Variants in RANBP17 observed in about 807,000 individuals in gnomAD.
RANBP17 encodes the protein ran-binding protein 17.
RANBP17 carries 158 observed loss-of-function variants against 141.2 expected under a neutral mutation model. The observed-to-expected ratio is 1.12, with a 90% CI of 0.98 to 1.28. RANBP17 has a LOEUF of 1.28. Ranked by LOEUF, RANBP17 falls within the 50% of genes most tolerant of loss-of-function variation. The probability of loss-of-function intolerance (pLI) is 0.00; values close to 1 mark genes in which losing one functional copy is unlikely to be tolerated. For synonymous variants in RANBP17, 430 were observed against 450.0 expected, an observed-to-expected ratio of 0.96 and a Z score of 0.56; for missense variants, 1,438 against 1,290.7, an observed-to-expected ratio of 1.11 and a Z score of -1.75.
intron 2 of RANBP17, among the ~76,000 whole-genome samples, chr5:170,878,753 G>A (rs77932003): frequency 0.03 from 4,541 of 152,196 alleles, 224 homozygotes; most frequent in African/African-American, 0.1. Context: ...TAAAGTAGCA[G>A]TTTGTTTAGT....
intron 22 of RANBP17, among the ~76,000 whole-genome samples, chr5:171,236,290 G>A (rs1465872943): frequency 6.6e-6 from 1 of 152,204 alleles, no homozygotes; most frequent in Non-Finnish European, 1.5e-5. Context: ...GTAAATCAAT[G>A]TGATTGATTG....
At chr5:170,981,372 G>T (rs1275856648) in intron 14 of RANBP17, among the ~76,000 whole-genome samples, 1 of 152,088 alleles carries the variant, frequency 6.6e-6, no homozygotes, top group Non-Finnish European at 1.5e-5. Flanking sequence ...TGGAATGATA[G>T]GGTTTGGCTG....
At chr5:171,056,873 C>T (rs1783419217) in intron 14 of RANBP17, among the ~76,000 whole-genome samples, 1 of 152,092 alleles carries the variant, frequency 6.6e-6, no homozygotes. Context: ...GACAGCTTTC[C>T]AACCAATCGG....
chr5:170,955,654 A>ATG (rs1561928103), intron 13 of RANBP17, among the ~76,000 whole-genome samples: 1 of 37,414 alleles, frequency 2.7e-5, no homozygotes, highest in East Asian at 1.6e-3. Context: ...CAGTGTATAT[A>ATG]TATATATATA....
chr5:171,052,984 C>A (rs916396584), intron 14 of RANBP17, among the ~76,000 whole-genome samples: 1 of 151,906 alleles, frequency 6.6e-6, no homozygotes, highest in Non-Finnish European at 1.5e-5. Flanking sequence ...TCCCAAGTAG[C>A]TACTTTCATA....
chr5:171,062,141 A>G (rs1239087482), intron 14 of RANBP17, among the ~76,000 whole-genome samples: 1 of 151,300 alleles, frequency 6.6e-6, no homozygotes, highest in Non-Finnish European at 1.5e-5. Context: ...TTTTAATTGG[A>G]GCATTTAGTC....
At chr5:171,146,423 TTTC>T (rs1758032558) in intron 14 of RANBP17, among the ~76,000 whole-genome samples, 1 of 152,204 alleles carries the variant, frequency 6.6e-6, no homozygotes, top group South Asian at 2.1e-4. Context: ...TAAATGCACT[TTTC>T]TTCATTTCAC....
chr5:170,959,865 C>T (rs1001059084), intron 13 of RANBP17, among the ~76,000 whole-genome samples: 1 of 152,068 alleles, frequency 6.6e-6, no homozygotes, highest in African/African-American at 2.4e-5. Flanking sequence ...GCTGAGAAGG[C>T]GAAGTTGGTC....
chr5:171,145,552 C>G (rs982169293), intron 14 of RANBP17, among the ~76,000 whole-genome samples: 1 of 152,076 alleles, frequency 6.6e-6, no homozygotes, highest in East Asian at 1.9e-4. Flanking sequence ...TTATCAACAG[C>G]TGTTTTGGAG....
At chr5:171,007,202 A>G (rs1779700088) in intron 14 of RANBP17, among the ~76,000 whole-genome samples, 1 of 152,172 alleles carries the variant, frequency 6.6e-6, no homozygotes, top group South Asian at 2.1e-4. Context: ...GTCTGATGAG[A>G]AAGAGCCTAA....
intron 5 of RANBP17, chr5:170,897,211 A>G: frequency 1.5e-6 from 1 of 682,114 alleles, no homozygotes; most frequent in South Asian, 1.4e-5. Context: ...TGGATCACAA[A>G]GTTTTTGGCA....
At chr5:171,297,358 G>A (rs1359656156) in intron 27 of RANBP17, among the ~76,000 whole-genome samples, 3 of 152,104 alleles carry the variant, frequency 2.0e-5, no homozygotes, top group Admixed American at 2.0e-4. Flanking sequence ...AGACAGTAAT[G>A]AATGATGGAG....
At chr5:171,152,763 C>T (rs1167000337) in intron 14 of RANBP17, among the ~76,000 whole-genome samples, 3 of 152,178 alleles carry the variant, frequency 2.0e-5, no homozygotes, top group East Asian at 1.9e-4. Context: ...TGGCAATGCT[C>T]GCACTCATTT....
At chr5:170,896,896 C>T in intron 5 of RANBP17, 1 of 597,088 alleles carries the variant, frequency 1.7e-6, no homozygotes, top group Middle Eastern at 4.8e-4. Flanking sequence ...GCCGGCGCGG[C>T]TCACAAGCGC....
At chr5:170,960,353 T>C (rs994637605) in intron 13 of RANBP17, among the ~76,000 whole-genome samples, 1 of 152,218 alleles carries the variant, frequency 6.6e-6, no homozygotes, top group African/African-American at 2.4e-5. Flanking sequence ...TCTAAACACC[T>C]ATTGGGCTGT....
At chr5:170,896,395 A>G (rs563196937) in intron 5 of RANBP17, among the ~76,000 whole-genome samples, 1 of 152,370 alleles carries the variant, frequency 6.6e-6, no homozygotes, top group South Asian at 2.1e-4. Context: ...TTGTTCTTTT[A>G]CCTCATATAT....
chr5:170,862,610 A>T (rs1012992614), intron 1 of RANBP17, among the ~76,000 whole-genome samples: 1 of 151,630 alleles, frequency 6.6e-6, no homozygotes, highest in African/African-American at 2.4e-5. Flanking sequence ...GTCTGGGGGG[A>T]GTTGCGAGGG....
In RANBP17 at chr5:171,294,000, A is replaced by T. The variant is rs535828794; in HGVS notation, c.3042+19A>T. On this transcript the variant is annotated intron_variant, in intron 26 of 27. Coordinates refer to ENST00000523189, the MANE Select transcript of RANBP17 (RefSeq NM_022897.5). Reference sequence around the variant, plus strand: ...TGAGAAGGTGAGTGTGATTGCAGGAAGTCACGGGAGGTGGTCCCTGGGAGA... The same window carrying T: ...TGAGAAGGTGAGTGTGATTGCAGGATGTCACGGGAGGTGGTCCCTGGGAGA... 3.8e-6 allele frequency: 6 copies of T among 1,571,424 alleles called. No homozygotes were observed. In the African/African-American group the frequency reaches 8.1e-5, roughly 21 times the overall value.
intron 14 of RANBP17, among the ~76,000 whole-genome samples, chr5:170,977,854 G>T (rs1777491825): frequency 6.6e-6 from 1 of 152,038 alleles, no homozygotes; most frequent in South Asian, 2.1e-4. Context: ...TGGAGATTGG[G>T]TAGTCATGGA....
Sources: allele counts gnomAD v4.1 joint callset (sites outside exome capture counted in the v4.1 genomes callset), GRCh38; gene constraint gnomAD v4.1.1; transcripts MANE v1.5; gene names NCBI Gene and HGNC (gene_info 2026-07-23, HGNC 2026-07-21).